CCDC83: variants seen among roughly 807,000 people sequenced by gnomAD.
CCDC83 encodes the protein coiled-coil domain containing 83.
Under a neutral mutation model 50.1 loss-of-function variants are expected in CCDC83, and 54 were observed. That is an observed-to-expected ratio of 1.08 (90% CI 0.87 to 1.35). CCDC83 has a LOEUF of 1.35. Ranked by LOEUF, CCDC83 falls within the 40% of genes most tolerant of loss-of-function variation. The pLI is 0.00. For missense variants in CCDC83, 518 were observed against 473.9 expected (o/e 1.09, Z -0.86); for synonymous variants, 161 against 153.3 (o/e 1.05, Z -0.37).
chr11:85,913,952 A>C (rs774342072), intron 8 of CCDC83, among the ~76,000 whole-genome samples: 25 of 152,356 alleles, frequency 1.6e-4, no homozygotes, highest in Non-Finnish European at 3.1e-4. Flanking sequence ...AGAAAAAGCT[A>C]GATTCCTGAA....
chr11:85,914,089 A>T (rs1291630915), intron 8 of CCDC83, among the ~76,000 whole-genome samples: 1 of 152,234 alleles, frequency 6.6e-6, no homozygotes, highest in Non-Finnish European at 1.5e-5. Flanking sequence ...TTACTAAGGT[A>T]CCTTTACTAA....
chr11:85,899,429 C>G (rs548645465), intron 7 of CCDC83, among the ~76,000 whole-genome samples: 1 of 152,282 alleles, frequency 6.6e-6, no homozygotes, highest in Admixed American at 6.5e-5. Context: ...CCAGATAATT[C>G]TTTGTTGTGA....
chr11:85,898,457 TCAG>T (rs2093385396), intron 6 of CCDC83, among the ~76,000 whole-genome samples: 2 of 152,230 alleles, frequency 1.3e-5, no homozygotes, highest in East Asian at 3.8e-4. Flanking sequence ...ATGCCTTTCT[TCAG>T]GAGACTAGCT....
At chr11:85,904,357 A>C (rs2093415807) in intron 7 of CCDC83, among the ~76,000 whole-genome samples, 1 of 152,192 alleles carries the variant, frequency 6.6e-6, no homozygotes, top group Non-Finnish European at 1.5e-5. Flanking sequence ...CTAGCAGGTA[A>C]TAGAGAGTCA....
At chr11:85,872,441 T>C (rs2093243962) in intron 2 of CCDC83, among the ~76,000 whole-genome samples, 1 of 151,986 alleles carries the variant, frequency 6.6e-6, no homozygotes, top group Non-Finnish European at 1.5e-5. Context: ...GCCGAGAACA[T>C]GCAACTGCAC....
rs1339883380 is a variant in CCDC83 at position 85,885,044 on chromosome 11, G to A, written c.344-1156G>A. 7.9e-5 allele frequency among the ~76,000 whole-genome samples: 12 copies of A among 152,044 alleles called. 1 individual carries two copies. The highest frequency in any genetic ancestry group is 7.4e-5 in the Non-Finnish European group (5 of 68,002). On this transcript the variant is annotated intron_variant, in intron 4 of 10. Coordinates refer to ENST00000342404, the MANE Select transcript of CCDC83 (RefSeq NM_001286159.2). ...TGGCCAACATAGTGAATGAAACCCT[G>A]TCTCTACTAAAAATACAAAATTAGC...
chr11:85,876,386 CT>C (rs2093269326), intron 3 of CCDC83, among the ~76,000 whole-genome samples: 2 of 152,132 alleles, frequency 1.3e-5, no homozygotes, highest in African/African-American at 2.4e-5. Context: ...TAACATTGTA[CT>C]AATGTCACTT....
intron 1 of CCDC83, among the ~76,000 whole-genome samples, chr11:85,864,427 C>T (rs2093195215): frequency 6.6e-6 from 1 of 152,196 alleles, no homozygotes; most frequent in Non-Finnish European, 1.5e-5. Flanking sequence ...TTACTATAAA[C>T]ATCTGTGAAC....
chr11:85,908,382 C>G lies in CCDC83; in HGVS notation c.673-2899C>G, dbSNP rs1191959355. On this transcript the variant is annotated intron_variant, in intron 7 of 10. Transcript: ENST00000342404. ...CCCAGGTGTGATGATGAAACCCCGT[C>G]TCTACTAAAGATGCAAAAAAAATAG... Among the ~76,000 whole-genome samples, 8 of 151,942 alleles carry G rather than the reference C, an allele frequency of 5.3e-5. 1 individual carries two copies. Among genetic ancestry groups the G allele is most frequent in the Admixed American group, 3.3e-4 (5 of 15,252 alleles).
At chr11:85,882,998 A>G (rs1050992274) in intron 4 of CCDC83, among the ~76,000 whole-genome samples, 2 of 152,100 alleles carry the variant, frequency 1.3e-5, no homozygotes, top group Non-Finnish European at 2.9e-5. Context: ...GCTTACTGCA[A>G]TCTTAACCTC....
intron 10 of CCDC83, among the ~76,000 whole-genome samples, chr11:85,918,795 G>GTGGATGGTCTCCA (rs2093494938): frequency 6.6e-6 from 1 of 152,186 alleles, no homozygotes; most frequent in Non-Finnish European, 1.5e-5. Context: ...TCCACATGTT[G>GTGGATGGTCTCCA]CAAGAGAAAA....
At chr11:85,880,375 C>A (rs560242227) in intron 3 of CCDC83, among the ~76,000 whole-genome samples, 21 of 152,218 alleles carry the variant, frequency 1.4e-4, no homozygotes, top group Admixed American at 2.6e-4. Context: ...CAGCCTCAAC[C>A]TTCTGGGCTC....
chr11:85,919,261 G>T (rs2093497341), intron 10 of CCDC83, 88 bp from the exon 11 acceptor site: 1 of 1,254,284 alleles, frequency 8.0e-7, no homozygotes, highest in Non-Finnish European at 1.1e-6. Flanking sequence ...TCAGATAAAG[G>T]CCAACTGTAA....
chr11:85,884,303 C>G (rs1375771837), intron 4 of CCDC83, among the ~76,000 whole-genome samples: 1 of 152,124 alleles, frequency 6.6e-6, no homozygotes, highest in African/African-American at 2.4e-5. Context: ...CACTTTATGT[C>G]CCAGGTAGTC....
intron 4 of CCDC83, 34 bp from the exon 5 acceptor site, chr11:85,886,166 A>G (rs1476218794): frequency 2.0e-6 from 3 of 1,485,996 alleles, no homozygotes; most frequent in Non-Finnish European, 2.7e-6. Flanking sequence ...TTACAAGGAA[A>G]ACAGAAATGA....
intron 5 of CCDC83, among the ~76,000 whole-genome samples, chr11:85,890,953 C>T (rs1196201328): frequency 2.0e-5 from 3 of 152,080 alleles, no homozygotes; most frequent in African/African-American, 7.2e-5. Flanking sequence ...AGGAAAGAGA[C>T]AAAAATTAAG....
intron 7 of CCDC83, among the ~76,000 whole-genome samples, chr11:85,909,446 A>T (rs890011929): frequency 5.9e-5 from 9 of 151,636 alleles, no homozygotes; most frequent in Middle Eastern, 3.4e-3. Context: ...TAATTCTCCT[A>T]TTGCTCTGTT....
At chr11:85,893,448 C>A (rs1204485144) in intron 5 of CCDC83, among the ~76,000 whole-genome samples, 2 of 152,132 alleles carry the variant, frequency 1.3e-5, no homozygotes, top group African/African-American at 4.8e-5. Flanking sequence ...AGCATAAAAT[C>A]CCTGAGGGTT....
chr11:85,878,156 G>A (rs915029688), intron 3 of CCDC83, among the ~76,000 whole-genome samples: 1 of 152,026 alleles, frequency 6.6e-6, no homozygotes, highest in Non-Finnish European at 1.5e-5. Flanking sequence ...TTATAAAAAT[G>A]ATATAAAAAT....
Sources: allele counts gnomAD v4.1 joint callset (sites outside exome capture counted in the v4.1 genomes callset), GRCh38; gene constraint gnomAD v4.1.1; transcripts MANE v1.5; gene names NCBI Gene and HGNC (gene_info 2026-07-23, HGNC 2026-07-21).